GABRE: variants seen among roughly 807,000 people sequenced by gnomAD.
The protein encoded by GABRE is gamma-aminobutyric acid type A receptor subunit epsilon.
In GABRE, 20 loss-of-function variants were observed where a neutral mutation model predicts 31.0. That is an observed-to-expected ratio of 0.64 (90% confidence interval 0.45 to 0.94). The LOEUF (loss-of-function observed/expected upper bound fraction) is 0.94, where lower values mean the gene tolerates loss of function less well. Among genes scored for constraint, GABRE ranks in the 40% least tolerant of loss-of-function variants. GABRE has a pLI of 0.00. For synonymous variants in GABRE, 155 were observed against 150.6 expected, an observed-to-expected ratio of 1.03 and a Z score of -0.21; for missense variants, 420 against 410.7, an observed-to-expected ratio of 1.02 and a Z score of -0.20.
intron 3 of GABRE, among the ~76,000 whole-genome samples, chrX:151,966,481 A>G (rs1934528771): frequency 8.9e-6 from 1 of 112,100 alleles, no homozygotes; most frequent in Admixed American, 9.4e-5. Context: ...TATGTACCCA[A>G]TGCTGGGACT....
intron 6 of GABRE, chrX:151,958,640 ACT>A (rs752887123): frequency 1.1e-5 from 4 of 378,144 alleles, no homozygotes; most frequent in South Asian, 9.8e-5. Flanking sequence ...AAACGGAACC[ACT>A]AGTGACTTGA....
intron 1 of GABRE, among the ~76,000 whole-genome samples, 170 bp downstream of exon 1, chrX:151,974,400 C>A (rs1039280490): frequency 3.6e-5 from 4 of 111,469 alleles, no homozygotes; most frequent in Non-Finnish European, 7.6e-5. Flanking sequence ...CGGGCCGAGG[C>A]CGGCGCGCAT....
chrX:151,958,612 A>G (rs1158670257), intron 6 of GABRE: 4 of 379,545 alleles, frequency 1.1e-5, no homozygotes, highest in Admixed American at 1.0e-4. Context: ...ATTTTGAAAC[A>G]ATGCACAATC....
rs193261169 is a variant in GABRE, at chrX:151,954,509, A to C, written c.*192T>G. Reference sequence around the variant, plus strand: ...TAATTTGAAATGGTCTGCTGAGAAGACTCAGTGAATGGGCCAGGTAGGGGA... The same window carrying C: ...TAATTTGAAATGGTCTGCTGAGAAGCCTCAGTGAATGGGCCAGGTAGGGGA... On this transcript the variant is annotated 3_prime_UTR_variant, in exon 9 of 9. Coordinates refer to ENST00000370328, the MANE Select transcript of GABRE (RefSeq NM_004961.4). 2.4e-6 allele frequency: 1 copy of C among 415,126 alleles called. No individual in the cohort carries two copies. Among genetic ancestry groups the C allele is most frequent in the Non-Finnish European group, 4.2e-6 (1 of 237,832 alleles). 34.2% of individuals were successfully genotyped at this position (415,126 alleles called of 1,213,427 possible).
chrX:151,970,281 C>G lies in GABRE; in HGVS notation c.178G>C (p.Glu60Gln). Residue 60 changes from glutamate (E) to glutamine (Q), a missense_variant, in exon 2 of 9, where the codon GAG becomes CAG. Coordinates refer to ENST00000370328, the MANE Select transcript of GABRE (RefSeq NM_004961.4). ...AGTTTGCCAACTCTGCTCCCAGTCT[C>G]AGTCTCAGTTGACTTTGTTTCCTCA... is the stretch of plus-strand genomic sequence containing the variant. ...LSEETKSTET[E>Q]TGSRVGKLPE... 1 of 1,212,262 alleles carries G rather than the reference C, an allele frequency of 8.2e-7. No individual in the cohort carries two copies.
At chrX:151,957,324 C>G in intron 6 of GABRE, 1 of 250,618 alleles carries the variant, frequency 4.0e-6, no homozygotes, top group Non-Finnish European at 7.5e-6. Context: ...TTCTCAGATT[C>G]TTCTGGAAGA....
chrX:151,954,874 A>G lies in GABRE; in HGVS notation c.1348T>C (p.Cys450Arg). 1 of 1,211,690 alleles carries G rather than the reference A, an allele frequency of 8.3e-7. No homozygotes were observed. The highest frequency in any genetic ancestry group is 1.1e-6 in the Non-Finnish European group (1 of 895,484). ...CAGAAGTACTTCTTAAAACGCTTGCACCACTCACAGCAGGCCAGCTTGGAG... is the reference window on the plus strand; with the variant it reads ...CAGAAGTACTTCTTAAAACGCTTGCGCCACTCACAGCAGGCCAGCTTGGAG... ...LCSKLACCEW[C>R]KRFKKYFCMV... is the part of the protein sequence containing the mutation. Residue 450 changes from cysteine (C) to arginine (R), a missense_variant, in exon 9 of 9, where the codon TGC becomes CGC. Cys to Arg is a radical substitution (Grantham distance 180, BLOSUM62 -3). Coordinates refer to ENST00000370328, the MANE Select transcript of GABRE (RefSeq NM_004961.4).
chrX:151,972,632 T>C, intron 1 of GABRE: 1 of 752,960 alleles, frequency 1.3e-6, no homozygotes, highest in Non-Finnish European at 1.6e-6. Context: ...ACCAAAGCCC[T>C]CCTGCCCCTA....
At chrX:151,958,022 G>A (rs1934231651) in intron 6 of GABRE, 1 of 119,809 alleles carries the variant, frequency 8.3e-6, no homozygotes, top group African/African-American at 3.2e-5. Flanking sequence ...GTGAAACAGT[G>A]GCTGGACTAA....
At chrX:151,956,190 C>G in intron 6 of GABRE, 1 of 237,127 alleles carries the variant, frequency 4.2e-6, no homozygotes. Flanking sequence ...AGATATCATG[C>G]CCACGCAGCT....
In GABRE at chrX:151,962,450, T is replaced by C; in HGVS notation, c.536A>G (p.Lys179Arg). Residue 179 changes from lysine to arginine, a missense_variant, in exon 4 of 9, where the codon AAG (lysine) becomes AGG (arginine). Coordinates refer to ENST00000370328, the MANE Select transcript of GABRE (RefSeq NM_004961.4). ...TMPNQMVRIY[K>R]DGKVLYTIRM... ...AATTGTGTACAACACCTTGCCATCC[T>C]TGTAGATGCGGACCATCTGGTTGGG... 1 of 1,210,641 alleles carries C rather than the reference T, an allele frequency of 8.3e-7. No homozygotes were observed. Among genetic ancestry groups the C allele is most frequent in the Non-Finnish European group, 1.1e-6 (1 of 894,846 alleles).
Position 151,959,853 on chromosome X carries a change from A to T in GABRE, c.770T>A (p.Ile257Asn), listed in dbSNP as rs775496761. ...FTGVSNKTEI[I>N]TTPVGDFMVM... ...GGCACGCTTACCAACTGGGGTTGTG[A>T]TTATTTCAGTTTTGTTGCTCACTCC... Residue 257 changes from isoleucine (I) to asparagine (N), a missense_variant, in exon 6 of 9, where the codon ATC (isoleucine) becomes AAC (asparagine). Coordinates refer to ENST00000370328, the MANE Select transcript of GABRE (RefSeq NM_004961.4). 3.7e-5 allele frequency: 45 copies of T among 1,209,493 alleles called. No individual in the cohort carries two copies. Among genetic ancestry groups the T allele is most frequent in the Non-Finnish European group, 5.0e-5 (45 of 894,941 alleles).
Position 151,962,671 on chromosome X carries a change from C to T in GABRE, c.343-28G>A, listed in dbSNP as rs550079554. ...GGTGGGAAGGACAGAAAAGCACATA[C>T]TTGGGGATGAACAGAAAAAGGACAT... is the stretch of plus-strand genomic sequence containing the variant. On this transcript the variant is annotated intron_variant, in intron 3 of 8. Coordinates refer to ENST00000370328, the MANE Select transcript of GABRE (RefSeq NM_004961.4). The T allele has an allele frequency of 2.9e-4, 328 of 1,119,508 alleles. 1 individual carries two copies. In the South Asian group the frequency reaches 5.8e-3, roughly 20 times the overall value. 92.3% of individuals were successfully genotyped at this position (1,119,508 alleles called of 1,213,427 possible).
intron 6 of GABRE, 159 bp from the exon 7 acceptor site, chrX:151,956,019 C>T: frequency 1.9e-6 from 1 of 515,546 alleles, no homozygotes; most frequent in Non-Finnish European, 3.1e-6. Context: ...CCAGAAGAAG[C>T]CCAGAAAAAA....
At position 151,954,977 on chromosome X, in the gene GABRE, A is replaced by T. The variant is rs1325951540; in HGVS notation, c.1245T>A (p.Ser415Arg). Residue 415 changes from serine (S) to arginine (R), a missense_variant, in exon 9 of 9, where the codon AGT (serine) becomes AGA (arginine). Physicochemically the swap from Ser to Arg is moderately radical, Grantham distance 110 (BLOSUM62 -1). Coordinates refer to ENST00000370328, the MANE Select transcript of GABRE (RefSeq NM_004961.4). Reference sequence around the variant, plus strand: ...AGCAAGACGGGCGCTCCTCTCCATCACTTCCCTCAGTGGTGACAATCTGGC... The same window carrying T: ...AGCAAGACGGGCGCTCCTCTCCATCTCTTCCCTCAGTGGTGACAATCTGGC... Reference protein sequence around the residue: ...FVCQIVTTEGSDGEERPSCSA... With the variant: ...FVCQIVTTEGRDGEERPSCSA... The T allele has an allele frequency of 1.7e-5, 20 of 1,204,639 alleles. No individual in the cohort carries two copies. The highest frequency in any genetic ancestry group is 2.2e-5 in the Non-Finnish European group (20 of 892,517).
intron 5 of GABRE, among the ~76,000 whole-genome samples, chrX:151,960,402 A>G (rs1221907544): frequency 1.8e-5 from 2 of 111,975 alleles, no homozygotes; most frequent in African/African-American, 6.5e-5. Flanking sequence ...TCAAGTAAAT[A>G]TTCTCAATAA....
At chrX:151,970,588 C>T (rs1934664260) in intron 1 of GABRE, 186 bp from the exon 2 acceptor site, 2 of 464,244 alleles carry the variant, frequency 4.3e-6, no homozygotes, top group Admixed American at 4.5e-5. Context: ...AACCTTGCTG[C>T]TCTTTGGGGA....
At chrX:151,971,130 T>G in intron 1 of GABRE, 2 of 847,024 alleles carry the variant, frequency 2.4e-6, no homozygotes, top group Non-Finnish European at 2.9e-6. Context: ...TGCCAAGGTA[T>G]GAAACTCACC....
chrX:151,970,612 C>T, intron 1 of GABRE: 1 of 406,652 alleles, frequency 2.5e-6, no homozygotes, highest in Non-Finnish European at 4.1e-6. Context: ...TCTATGCTGT[C>T]CCTCTTTTAT....
Sources: allele counts gnomAD v4.1 joint callset (sites outside exome capture counted in the v4.1 genomes callset), GRCh38; gene constraint gnomAD v4.1.1; transcripts MANE v1.5; gene names NCBI Gene and HGNC (gene_info 2026-07-23, HGNC 2026-07-21).